Variants in HMGN4 observed in about 807,000 individuals in gnomAD.
HMGN4 encodes the protein high mobility group nucleosomal binding domain 4.
For missense variants in HMGN4, 69 were observed against 104.9 expected (o/e 0.66, Z 1.49); for synonymous variants, 39 against 39.1 (o/e 1.00, Z 0.01).
At chr6:26,543,906 G>A (rs908468383) in intron 1 of HMGN4, among the ~76,000 whole-genome samples, 1 of 151,784 alleles carries the variant, frequency 6.6e-6, no homozygotes, top group Non-Finnish European at 1.5e-5. Flanking sequence ...TGGGGCAGAA[G>A]GTATGATAGA....
Position 26,545,491 on chromosome 6 carries a change from T to G in HMGN4, c.*12T>G, listed in dbSNP as rs758122590. On this transcript the variant is annotated 3_prime_UTR_variant, in exon 2 of 2. Coordinates refer to ENST00000377575, the MANE Select transcript of HMGN4 (RefSeq NM_006353.3). ...GGGATGCCAAGTGAAATGTACATTT[T>G]TGAGAGCTCTGTACTTATAGTGACT... 6.5e-7 allele frequency: 1 copy of G among 1,537,040 alleles called. No homozygotes were observed. Among genetic ancestry groups the G allele is most frequent in the South Asian group, 1.3e-5 (1 of 77,878 alleles).
chr6:26,541,649 A>G (rs951095790), intron 1 of HMGN4, among the ~76,000 whole-genome samples: 19 of 151,998 alleles, frequency 1.3e-4, no homozygotes, highest in African/African-American at 4.4e-4. Context: ...TTATTTCACT[A>G]TTAGTTTTTT....
intron 1 of HMGN4, among the ~76,000 whole-genome samples, chr6:26,539,051 T>TG (rs1176711771): frequency 6.6e-6 from 1 of 152,232 alleles, no homozygotes; most frequent in Non-Finnish European, 1.5e-5. Context: ...ACTGGTGCCT[T>TG]GGTGTTTGGC....
At position 26,545,198 on chromosome 6, in the gene HMGN4, G is replaced by A; in HGVS notation, c.-9G>A. On this transcript the variant is annotated 5_prime_UTR_variant, in exon 2 of 2. Coordinates refer to ENST00000377575, the MANE Select transcript of HMGN4 (RefSeq NM_006353.3). The stretch of plus-strand genomic sequence containing the variant: ...ACTGCTCAAGCCACCTGCGAACACT[G>A]CTGCTACCATGCCCAAGAGAAAGGC... 6.3e-7 allele frequency: 1 copy of A among 1,599,330 alleles called. No individual in the cohort carries two copies. The highest frequency in any genetic ancestry group is 8.5e-7 in the Non-Finnish European group (1 of 1,172,412).
In HMGN4 at chr6:26,545,322, C is replaced by A; in HGVS notation, c.116C>A (p.Pro39His). The change falls in exon 2 of 2, where the codon CCC becomes CAC. Residue 39 changes from proline (P) to histidine (H), a missense_variant. Transcript: ENST00000377575. ...AAACCAGCTCCTCCAAAACCAGAGCCCAGGCCTAAAAAGGCCTCTGCAAAG... is the reference window on the plus strand; with the variant it reads ...AAACCAGCTCCTCCAAAACCAGAGCACAGGCCTAAAAAGGCCTCTGCAAAG... ...SAKPAPPKPEPRPKKASAKKG... is the reference protein window; with the variant it reads ...SAKPAPPKPEHRPKKASAKKG... The A allele has an allele frequency of 6.2e-7, 1 of 1,614,090 alleles. No individual in the cohort carries two copies. Among genetic ancestry groups the A allele is most frequent in the Non-Finnish European group, 8.5e-7 (1 of 1,180,016 alleles).
intron 1 of HMGN4, among the ~76,000 whole-genome samples, chr6:26,539,711 T>G (rs2113580749): frequency 6.6e-6 from 1 of 152,040 alleles, no homozygotes; most frequent in Non-Finnish European, 1.5e-5. Context: ...TATCATTTTC[T>G]TAAACAGGCT....
intron 1 of HMGN4, among the ~76,000 whole-genome samples, chr6:26,544,351 A>G (rs868527671): frequency 6.6e-6 from 1 of 151,802 alleles, no homozygotes; most frequent in Admixed American, 6.6e-5. Flanking sequence ...GCAACTTGCT[A>G]TTTTTCTTCG....
At position 26,545,928 on chromosome 6, in the gene HMGN4, C is replaced by T. The variant is rs145535311; in HGVS notation, c.*449C>T. ...TGTTAGGTAACAAAACTCAGGCTTT[C>T]TGTTGATGACATCGAGATGGTGTCA... On this transcript the variant is annotated 3_prime_UTR_variant, in exon 2 of 2. Coordinates refer to ENST00000377575, the MANE Select transcript of HMGN4 (RefSeq NM_006353.3). The T allele has an allele frequency of 5.2e-3, 875 of 167,300 alleles. 5 individuals carry two copies. The highest frequency in any genetic ancestry group is 0.016 in the African/African-American group (669 of 41,560). The allele number at this position is 167,300 out of a possible 1,614,324, so 10.4% of individuals were successfully genotyped here.
intron 1 of HMGN4, among the ~76,000 whole-genome samples, chr6:26,539,634 TAA>T (rs61003052): frequency 0.15 from 18,789 of 125,108 alleles, 1,470 homozygotes; most frequent in African/African-American, 0.23. Context: ...TCCGCAAAAT[TAA>T]AAAAAAAAAA....
rs561996075 is a variant in HMGN4 at position 26,543,395 on chromosome 6, A to G, written c.-80-1732A>G. ...GGTCAGGTGTAGTTAGATCAGTAGA[A>G]CTGTATGTCTCAGTGGCACCATTAC... On this transcript the variant is annotated intron_variant, in intron 1 of 1. Coordinates refer to ENST00000377575, the MANE Select transcript of HMGN4 (RefSeq NM_006353.3). 8.2e-4 allele frequency among the ~76,000 whole-genome samples: 118 copies of G among 144,764 alleles called. No individual in the cohort carries two copies. The South Asian group carries it at 0.01, about 12-fold the overall frequency. 95.0% of individuals were successfully genotyped at this position (144,764 alleles called of 152,430 possible).
intron 1 of HMGN4, among the ~76,000 whole-genome samples, 173 bp downstream of exon 1, chr6:26,538,674 A>G (rs915815616): frequency 6.6e-6 from 1 of 152,198 alleles, no homozygotes; most frequent in Non-Finnish European, 1.5e-5. Flanking sequence ...TAATCGCAGC[A>G]TCTCTCCTGA....
At position 26,545,342 on chromosome 6, in the gene HMGN4, G is replaced by A. The variant is rs753775002; in HGVS notation, c.136G>A (p.Ala46Thr). The A allele has an allele frequency of 4.3e-6, 7 of 1,614,136 alleles. No individual in the cohort carries two copies. The highest frequency in any genetic ancestry group is 5.9e-6 in the Non-Finnish European group (7 of 1,180,014). The change falls in exon 2 of 2, where the codon GCA (alanine) becomes ACA (threonine). Residue 46 changes from alanine (A) to threonine (T), a missense_variant. Transcript: ENST00000377575. ...KPEPRPKKAS[A>T]KKGEKLPKGR... is the part of the protein sequence containing the mutation. ...AGAGCCCAGGCCTAAAAAGGCCTCT[G>A]CAAAGAAGGGAGAGAAGCTTCCCAA...
chr6:26,542,991 T>C lies in HMGN4; in HGVS notation c.-80-2136T>C, dbSNP rs1245495179. On this transcript the variant is annotated intron_variant, in intron 1 of 1. Transcript: ENST00000377575. The surrounding 1 kb of genome is among the most constrained non-coding windows in gnomAD (Gnocchi z 4.6). ...TGGAAGGAGAATGGTATGGAGTATC[T>C]ATTCTTAGGGAAATGTGTGCTAGGC... is the stretch of plus-strand genomic sequence containing the variant. 1.3e-5 allele frequency among the ~76,000 whole-genome samples: 2 copies of C among 152,230 alleles called. No homozygotes were observed. Among genetic ancestry groups the C allele is most frequent in the Admixed American group, 6.5e-5 (1 of 15,280 alleles).
In HMGN4 at chr6:26,542,840, A is replaced by G. The variant is rs1764303515; in HGVS notation, c.-80-2287A>G. ...GTATTTTGGCCTTTGACATGTGGAG[A>G]TCATGGCCCCCCTACTTCGGATGGA... On this transcript the variant is annotated intron_variant, in intron 1 of 1. Transcript: ENST00000377575. The surrounding 1 kb of genome is among the most constrained non-coding windows in gnomAD (Gnocchi z 4.6). Among the ~76,000 whole-genome samples, 1 of 152,072 alleles carries G rather than the reference A, an allele frequency of 6.6e-6. No homozygotes were observed. Among genetic ancestry groups the G allele is most frequent in the Admixed American group, 6.6e-5 (1 of 15,264 alleles).
rs764304541 is a variant in HMGN4 at position 26,545,500 on chromosome 6, C to T, written c.*21C>T. 7.2e-6 allele frequency: 11 copies of T among 1,523,942 alleles called. No individual in the cohort carries two copies. Among genetic ancestry groups the T allele is most frequent in the South Asian group, 1.3e-5 (1 of 75,908 alleles). 94.4% of individuals were successfully genotyped at this position (1,523,942 alleles called of 1,614,324 possible). Reference sequence around the variant, plus strand: ...AGTGAAATGTACATTTTTGAGAGCTCTGTACTTATAGTGACTCTACTGTTT... The same window carrying T: ...AGTGAAATGTACATTTTTGAGAGCTTTGTACTTATAGTGACTCTACTGTTT... On this transcript the variant is annotated 3_prime_UTR_variant, in exon 2 of 2. Coordinates refer to ENST00000377575, the MANE Select transcript of HMGN4 (RefSeq NM_006353.3).
Position 26,545,557 on chromosome 6 carries a change from A to G in HMGN4, c.*78A>G. ...CTATTTTTTTAAATCAAGTTTTATA[A>G]AAGTGTAGAATTTTGGCTTTTTTAA... is the stretch of plus-strand genomic sequence containing the variant. On this transcript the variant is annotated 3_prime_UTR_variant, in exon 2 of 2. Coordinates refer to ENST00000377575, the MANE Select transcript of HMGN4 (RefSeq NM_006353.3). The G allele has an allele frequency of 7.1e-7, 1 of 1,411,848 alleles. No homozygotes were observed. Among genetic ancestry groups the G allele is most frequent in the Non-Finnish European group, 9.4e-7 (1 of 1,060,032 alleles). 87.5% of individuals were successfully genotyped at this position (1,411,848 alleles called of 1,614,324 possible). A position where few individuals can be genotyped will look rare whatever the true frequency, so the allele number is the denominator to read the frequency against.
intron 1 of HMGN4, among the ~76,000 whole-genome samples, chr6:26,543,352 T>G (rs1322465216): frequency 6.6e-6 from 1 of 150,380 alleles, no homozygotes; most frequent in East Asian, 2.0e-4. Flanking sequence ...TAGGCAAGGA[T>G]TTCTTCAGAA....
intron 1 of HMGN4, among the ~76,000 whole-genome samples, chr6:26,543,703 G>A (rs1474292444): frequency 7.2e-6 from 1 of 138,892 alleles, no homozygotes; most frequent in African/African-American, 2.7e-5. Flanking sequence ...AGAGGTTGCA[G>A]TGAGCCGAGA....
chr6:26,543,421 C>CATTTTTTTTTTTT, intron 1 of HMGN4, among the ~76,000 whole-genome samples: 1 of 80,136 alleles, frequency 1.2e-5, no homozygotes, highest in South Asian at 6.2e-4. Flanking sequence ...GCACCATTAC[C>CATTTTTTTTTTTT]TTTTTTTTTT....
Sources: gnomAD v4.1 joint callset for allele counts (sites outside exome capture counted in the v4.1 genomes callset) on GRCh38, gnomAD v4.1.1 for gene constraint, Gnocchi (gnomAD v3.1) non-coding constraint, MANE v1.5 for transcripts, NCBI Gene and HGNC (gene_info 2026-07-23, HGNC 2026-07-21) for gene names.